The following INPP4A variants were observed in gnomAD, a reference collection of about 807,000 sequenced individuals.
INPP4A encodes the protein inositol polyphosphate-4-phosphatase, type I, 107kD.
Under a neutral mutation model 119.8 loss-of-function variants are expected in INPP4A, and 33 were observed. The ratio of observed to expected loss-of-function variants is 0.28; its 90% CI spans 0.21 to 0.37. The LOEUF is 0.37. Ranked by LOEUF, INPP4A falls within the 10% of genes least tolerant of loss-of-function variation. The pLI is 1.00. For synonymous variants in INPP4A, 496 were observed against 500.7 expected, an observed-to-expected ratio of 0.99 and a Z score of 0.12; for missense variants, 956 against 1,289.9, an observed-to-expected ratio of 0.74 and a Z score of 3.97.
rs141531639 is a variant in INPP4A at position 98,516,269 on chromosome 2, A to G, written c.-165-2695A>G. ...GACTTAAATTGCAGATTCTAATTAAATGTCCCCAAATAACTATGAAGTGCT... is the reference window on the plus strand; with the variant it reads ...GACTTAAATTGCAGATTCTAATTAAGTGTCCCCAAATAACTATGAAGTGCT... On this transcript the variant is annotated intron_variant, in intron 1 of 24. Coordinates refer to ENST00000409851, the MANE Select transcript of INPP4A (RefSeq NM_001134225.2). 2.0e-4 allele frequency among the ~76,000 whole-genome samples: 30 copies of G among 152,326 alleles called. No homozygotes were observed. The Middle Eastern group carries it at 0.01, about 52-fold the overall frequency.
intron 24 of INPP4A, among the ~76,000 whole-genome samples, chr2:98,579,605 G>T (rs1228790044): frequency 1.3e-5 from 2 of 152,248 alleles, no homozygotes; most frequent in Non-Finnish European, 2.9e-5. Context: ...GCCGGGCGCT[G>T]TCTTTCCTGT....
chr2:98,578,130 C>T (rs749819380), intron 24 of INPP4A, among the ~76,000 whole-genome samples: 7 of 152,158 alleles, frequency 4.6e-5, no homozygotes, highest in Non-Finnish European at 1.0e-4. Flanking sequence ...TGTTAAAGCT[C>T]GCCATCCCTC....
At chr2:98,453,022 G>T (rs1695502060) in intron 1 of INPP4A, among the ~76,000 whole-genome samples, 1 of 152,172 alleles carries the variant, frequency 6.6e-6, no homozygotes, top group African/African-American at 2.4e-5. Context: ...TTTCAGTGGT[G>T]ATTTTTACCT....
At chr2:98,446,124 G>A (rs2104352565) in intron 1 of INPP4A, among the ~76,000 whole-genome samples, 1 of 152,358 alleles carries the variant, frequency 6.6e-6, no homozygotes, top group East Asian at 1.9e-4. Context: ...TCTGCCGCTT[G>A]CTGACTCTGG....
chr2:98,544,047 AC>A, intron 11 of INPP4A, 40 bp downstream of exon 11: 1 of 575,902 alleles, frequency 1.7e-6, no homozygotes, highest in Non-Finnish European at 2.3e-6. Context: ...ACGCGTGCGC[AC>A]ACACACACAC....
intron 19 of INPP4A, 54 bp downstream of exon 19, chr2:98,564,817 CT>C: frequency 1.3e-6 from 2 of 1,510,312 alleles, no homozygotes; most frequent in South Asian, 2.5e-5. Flanking sequence ...GGTTTCCATC[CT>C]TTCTTGCTAG....
At chr2:98,578,324 G>A (rs1290003252) in intron 24 of INPP4A, among the ~76,000 whole-genome samples, 9 of 152,140 alleles carry the variant, frequency 5.9e-5, no homozygotes, top group Non-Finnish European at 1.2e-4. Flanking sequence ...GTGGTGGGAG[G>A]GGACATTCTG....
chr2:98,520,614 A>G (rs1687006010), intron 3 of INPP4A, 73 bp from the exon 4 acceptor site: 6 of 899,846 alleles, frequency 6.7e-6, no homozygotes, highest in Admixed American at 2.5e-5. Context: ...GTAGAGGGTC[A>G]TTTGTGCATT....
rs981448282 is a variant in INPP4A, at chr2:98,555,921, G to T, written c.1822+113G>T. 5 of 1,316,902 alleles carry T rather than the reference G, an allele frequency of 3.8e-6. No individual in the cohort carries two copies. In the East Asian group the frequency reaches 1.3e-4, roughly 34 times the overall value. 81.6% of individuals were successfully genotyped at this position (1,316,902 alleles called of 1,614,324 possible). ...CTCCCCCATGCAGACTGCAGGGAGG[G>T]CTGCCAGGTGGAGCGGGGGCGTCCC... On this transcript the variant is annotated intron_variant, in intron 16 of 24. Transcript: ENST00000409851.
At chr2:98,555,522 C>A in intron 15 of INPP4A, 31 bp from the exon 16 acceptor site, 1 of 1,565,854 alleles carries the variant, frequency 6.4e-7, no homozygotes, top group South Asian at 1.2e-5. Context: ...TTCGGGAGAG[C>A]TGACCCACAT....
At chr2:98,572,300 G>A (rs973479202) in intron 22 of INPP4A, among the ~76,000 whole-genome samples, 9 of 152,222 alleles carry the variant, frequency 5.9e-5, no homozygotes, top group Non-Finnish European at 1.3e-4. Flanking sequence ...GAGCTGTTAG[G>A]ATGTGGGAGC....
At position 98,543,537 on chromosome 2, in the gene INPP4A, G is replaced by T. The variant is rs142015386; in HGVS notation, c.819-340G>T. On this transcript the variant is annotated intron_variant, in intron 10 of 24. Transcript: ENST00000409851. ...CAGGTGGGCTGTGGTTTGAGCCTGT[G>T]CTTGAGGGCACCTGCAGGTCGTCAG... Among the ~76,000 whole-genome samples, 524 of 152,292 alleles carry T rather than the reference G, an allele frequency of 3.4e-3. 8 individuals carry two copies. The highest frequency in any genetic ancestry group is 0.012 in the African/African-American group (484 of 41,560).
At chr2:98,549,481 G>C (rs1165391427) in intron 13 of INPP4A, among the ~76,000 whole-genome samples, 1 of 152,220 alleles carries the variant, frequency 6.6e-6, no homozygotes, top group East Asian at 1.9e-4. Context: ...TACAAACCAA[G>C]ATTTAATACA....
At chr2:98,446,130 T>C (rs1694146883) in intron 1 of INPP4A, among the ~76,000 whole-genome samples, 1 of 152,276 alleles carries the variant, frequency 6.6e-6, no homozygotes, top group South Asian at 2.1e-4. Flanking sequence ...GCTTGCTGAC[T>C]CTGGTTCTTA....
At position 98,576,159 on chromosome 2, in the gene INPP4A, G is replaced by A. The variant is rs183896208; in HGVS notation, c.2632-830G>A. On this transcript the variant is annotated intron_variant, in intron 23 of 24. Coordinates refer to ENST00000409851, the MANE Select transcript of INPP4A (RefSeq NM_001134225.2). ...ATATCAGCTCAGGTCTGGTTGTGCT[G>A]CCAAATGAGATTGCCACAGATTTAC... Among the ~76,000 whole-genome samples, 15 of 152,332 alleles carry A rather than the reference G, an allele frequency of 9.8e-5. No homozygotes were observed. In the East Asian group the frequency reaches 2.7e-3, roughly 27 times the overall value.
chr2:98,580,154 A>G lies in INPP4A; in HGVS notation c.2786+3011A>G, dbSNP rs17033821. Among the ~76,000 whole-genome samples, 998 of 152,150 alleles carry G rather than the reference A, an allele frequency of 6.6e-3. 18 individuals carry two copies. Among genetic ancestry groups the G allele is most frequent in the African/African-American group, 0.022 (934 of 41,514 alleles). On this transcript the variant is annotated intron_variant, in intron 24 of 24. Coordinates refer to ENST00000409851, the MANE Select transcript of INPP4A (RefSeq NM_001134225.2). ...TTAGCTGAGGGCCCCAGAAGGCAGC[A>G]TAAACTTCCACCCTGCCCGTGGGTG...
At position 98,554,557 on chromosome 2, in the gene INPP4A, A is replaced by C. The variant is rs769972882; in HGVS notation, c.1566+68A>C. 30 of 1,387,264 alleles carry C rather than the reference A, an allele frequency of 2.2e-5. No homozygotes were observed. The highest frequency in any genetic ancestry group is 2.8e-5 in the Non-Finnish European group (28 of 1,003,724). The allele number at this position is 1,387,264 out of a possible 1,614,324, so 85.9% of individuals were successfully genotyped here. A position where few individuals can be genotyped will look rare whatever the true frequency, so the allele number is the denominator to read the frequency against. ...GCTGAAAACCACAAAACCTGTTGCC[A>C]GTCTCTGCCCCTCTGAAGTGCCTCA... On this transcript the variant is annotated intron_variant, in intron 15 of 24. Transcript: ENST00000409851. This position sits in a 1 kb window ranked among gnomAD's most constrained non-coding sequence, Gnocchi z 4.7.
At chr2:98,496,925 A>C (rs757331313) in intron 1 of INPP4A, among the ~76,000 whole-genome samples, 1 of 152,158 alleles carries the variant, frequency 6.6e-6, no homozygotes, top group Non-Finnish European at 1.5e-5. Flanking sequence ...CCTCTCTGAC[A>C]CTGGGTTTCA....
chr2:98,552,699 G>T, intron 13 of INPP4A, 87 bp from the exon 14 acceptor site: 1 of 1,054,694 alleles, frequency 9.5e-7, no homozygotes, highest in Non-Finnish European at 1.5e-6. Context: ...CTTCATCTTA[G>T]GGTCAATTGT....
Sources: gnomAD v4.1 joint callset for allele counts (sites outside exome capture counted in the v4.1 genomes callset) on GRCh38, gnomAD v4.1.1 for gene constraint, Gnocchi (gnomAD v3.1) non-coding constraint, MANE v1.5 for transcripts, NCBI Gene and HGNC (gene_info 2026-07-23, HGNC 2026-07-21) for gene names.